LYPLAL1: variants seen among roughly 807,000 people sequenced by gnomAD.
The protein encoded by LYPLAL1 is lysophospholipase like 1.
In LYPLAL1, 23 loss-of-function variants were observed where a neutral mutation model predicts 19.7. The observed-to-expected ratio is 1.17, with a 90% CI of 0.84 to 1.65. The LOEUF is 1.65. LYPLAL1 is among the 40% of genes most tolerant of loss of function. The probability of loss-of-function intolerance (pLI) is 0.00; values close to 1 mark genes in which losing one functional copy is unlikely to be tolerated. For synonymous variants in LYPLAL1, 119 were observed against 96.3 expected (o/e 1.24, Z -1.38); for missense variants, 355 against 279.4 (o/e 1.27, Z -1.93).
At chr1:219,275,944 T>C in the LYPLAL1 span, among the ~76,000 whole-genome samples, 2 of 152,210 alleles carry the variant, frequency 1.3e-5, no homozygotes, top group African/African-American at 4.8e-5. Context: ...TTAAGTGTTT[T>C]CTTCCAGAGA....
At chr1:219,263,906 C>G in the LYPLAL1 span, among the ~76,000 whole-genome samples, 1 of 152,130 alleles carries the variant, frequency 6.6e-6, no homozygotes, top group East Asian at 1.9e-4. Context: ...CAGTGGCCAG[C>G]CACTTCTTCC....
At chr1:219,421,446 G>A in the LYPLAL1 span, among the ~76,000 whole-genome samples, 1 of 152,146 alleles carries the variant, frequency 6.6e-6, no homozygotes, top group African/African-American at 2.4e-5. Flanking sequence ...AAGCACCTGA[G>A]GAGGCTATTC....
the LYPLAL1 span, among the ~76,000 whole-genome samples, chr1:219,365,427 T>C: frequency 6.6e-6 from 1 of 152,162 alleles, no homozygotes; most frequent in Non-Finnish European, 1.5e-5. Flanking sequence ...GTTTTTCTGG[T>C]AGAAATGTTA....
At chr1:219,440,241 C>G in the LYPLAL1 span, among the ~76,000 whole-genome samples, 2 of 151,816 alleles carry the variant, frequency 1.3e-5, no homozygotes, top group Non-Finnish European at 2.9e-5. Flanking sequence ...ATTCTACAGT[C>G]TTAAATTTGA....
chr1:219,199,710 G>C (rs1485922749), intron 3 of LYPLAL1, among the ~76,000 whole-genome samples: 2 of 151,460 alleles, frequency 1.3e-5, no homozygotes, highest in Non-Finnish European at 2.9e-5. Flanking sequence ...CGCCTCCTGG[G>C]TTCACGCCAT....
At chr1:219,258,214 C>T in the LYPLAL1 span, among the ~76,000 whole-genome samples, 9 of 152,050 alleles carry the variant, frequency 5.9e-5, no homozygotes, top group African/African-American at 2.2e-4. Flanking sequence ...ATTGATCAAA[C>T]GCACATTTTA....
chr1:219,223,255 C>T, the LYPLAL1 span: 1 of 152,074 alleles, frequency 6.6e-6, no homozygotes. Flanking sequence ...CCTCAGCCTA[C>T]AGTCACCTGC....
the LYPLAL1 span, among the ~76,000 whole-genome samples, chr1:219,401,278 G>A: frequency 7.3e-6 from 1 of 137,214 alleles, no homozygotes; most frequent in African/African-American, 2.5e-5. Context: ...TGTAAGTAAT[G>A]CTCTTAACAA....
the LYPLAL1 span, among the ~76,000 whole-genome samples, chr1:219,264,506 C>T: frequency 6.6e-6 from 1 of 152,208 alleles, no homozygotes; most frequent in African/African-American, 2.4e-5. Context: ...AAGTAGACTT[C>T]ATCCTCTCAT....
At chr1:219,194,292 G>A (rs530702405) in intron 3 of LYPLAL1, among the ~76,000 whole-genome samples, 1 of 152,048 alleles carries the variant, frequency 6.6e-6, no homozygotes, top group South Asian at 2.1e-4. Flanking sequence ...GGGAGGACTA[G>A]GAAGAGTGTA....
chr1:219,363,296 T>C, the LYPLAL1 span, among the ~76,000 whole-genome samples: 1 of 152,192 alleles, frequency 6.6e-6, no homozygotes, highest in Non-Finnish European at 1.5e-5. Context: ...CCAGCCACTA[T>C]TTAGCACTTG....
the LYPLAL1 span, among the ~76,000 whole-genome samples, chr1:219,437,351 C>G: frequency 6.6e-6 from 1 of 152,072 alleles, no homozygotes; most frequent in African/African-American, 2.4e-5. Flanking sequence ...ATCCTGTTTT[C>G]TTTCTCTCTT....
At chr1:219,328,583 AT>A in the LYPLAL1 span, among the ~76,000 whole-genome samples, 1 of 152,138 alleles carries the variant, frequency 6.6e-6, no homozygotes, top group Admixed American at 6.6e-5. Context: ...ATTTTCTTTG[AT>A]ACTTGATATA....
the LYPLAL1 span, among the ~76,000 whole-genome samples, chr1:219,301,246 A>G: frequency 6.6e-6 from 1 of 152,168 alleles, no homozygotes; most frequent in Non-Finnish European, 1.5e-5. Context: ...AAAGAGATAC[A>G]AAATAAATAA....
At chr1:219,443,074 G>C in the LYPLAL1 span, among the ~76,000 whole-genome samples, 684 of 146,924 alleles carry the variant, frequency 4.7e-3, 5 homozygotes, top group African/African-American at 0.017. Context: ...TTCTCCAAGA[G>C]TTTCTGCTGG....
the LYPLAL1 span, among the ~76,000 whole-genome samples, chr1:219,220,643 C>T: frequency 3.3e-5 from 5 of 152,098 alleles, no homozygotes; most frequent in Admixed American, 1.3e-4. Context: ...GAAGAAAGTG[C>T]GGAAGGTACA....
At chr1:219,385,760 C>T in the LYPLAL1 span, among the ~76,000 whole-genome samples, 1 of 152,120 alleles carries the variant, frequency 6.6e-6, no homozygotes, top group Non-Finnish European at 1.5e-5. Flanking sequence ...GATGTAATTG[C>T]ACGCTGTAAT....
chr1:219,267,077 A>C, the LYPLAL1 span, among the ~76,000 whole-genome samples: 1 of 152,026 alleles, frequency 6.6e-6, no homozygotes, highest in Admixed American at 6.5e-5. Context: ...TTGCAGGAAA[A>C]CTTCAGCTTT....
chr1:219,365,006 G>T, the LYPLAL1 span, among the ~76,000 whole-genome samples: 6 of 152,074 alleles, frequency 3.9e-5, no homozygotes, highest in Non-Finnish European at 8.8e-5. Flanking sequence ...TGGAAAATCT[G>T]ATAGTTACAT....
Sources: allele counts gnomAD v4.1 joint callset (sites outside exome capture counted in the v4.1 genomes callset), GRCh38; gene constraint gnomAD v4.1.1; transcripts MANE v1.5; gene names NCBI Gene and HGNC (gene_info 2026-07-23, HGNC 2026-07-21).